The following RAB32 variants were observed in gnomAD, a reference collection of about 807,000 sequenced individuals.
The protein encoded by RAB32 is ras-related protein Rab-32.
A neutral mutation model predicts 17.5 loss-of-function variants in RAB32; 17 were observed. The ratio of observed to expected loss-of-function variants is 0.97; its 90% CI spans 0.67 to 1.46. The LOEUF (loss-of-function observed/expected upper bound fraction) is 1.46, where lower values mean the gene tolerates loss of function less well. Among genes scored for constraint, RAB32 ranks in the 40% most tolerant of loss-of-function variants. The probability of loss-of-function intolerance (pLI) is 0.00; values close to 1 mark genes in which losing one functional copy is unlikely to be tolerated. For missense variants in RAB32, 288 were observed against 284.3 expected, an observed-to-expected ratio of 1.01 and a Z score of -0.09; for synonymous variants, 115 against 111.1, an observed-to-expected ratio of 1.04 and a Z score of -0.22.
chr6:146,545,013 CT>C (rs748822360), intron 1 of RAB32, among the ~76,000 whole-genome samples: 6 of 152,100 alleles, frequency 3.9e-5, no homozygotes, highest in Non-Finnish European at 8.8e-5. Context: ...AAGGCCTAGA[CT>C]GGAGGATCGC....
intron 1 of RAB32, among the ~76,000 whole-genome samples, chr6:146,548,688 C>T (rs1036514179): frequency 1.3e-5 from 2 of 152,182 alleles, no homozygotes; most frequent in Admixed American, 6.5e-5. Flanking sequence ...CCTGTTGTTA[C>T]ATCTGTCAGA....
At chr6:146,547,969 G>C (rs1412313052) in intron 1 of RAB32, among the ~76,000 whole-genome samples, 1 of 152,106 alleles carries the variant, frequency 6.6e-6, no homozygotes, top group Non-Finnish European at 1.5e-5. Flanking sequence ...TATAAAAATG[G>C]AAGTGGTTGG....
chr6:146,545,041 G>C (rs1562729674), intron 1 of RAB32, among the ~76,000 whole-genome samples: 3 of 152,062 alleles, frequency 2.0e-5, no homozygotes, highest in South Asian at 2.1e-4. Flanking sequence ...ACAGGAGTTC[G>C]AGACCAGCCT....
At chr6:146,551,133 G>GA (rs1324474550) in intron 2 of RAB32, among the ~76,000 whole-genome samples, 1 of 151,670 alleles carries the variant, frequency 6.6e-6, no homozygotes, top group Non-Finnish European at 1.5e-5. Context: ...GAGTCACTGG[G>GA]AAAAAAAAGA....
chr6:146,544,148 C>G, intron 1 of RAB32, 27 bp downstream of exon 1: 2 of 1,586,488 alleles, frequency 1.3e-6, no homozygotes, highest in Admixed American at 1.8e-5. Context: ...GTTTCCCACT[C>G]CAGAGCCCCG....
intron 1 of RAB32, among the ~76,000 whole-genome samples, chr6:146,547,503 T>C (rs2114782890): frequency 6.6e-6 from 1 of 152,202 alleles, no homozygotes; most frequent in South Asian, 2.1e-4. Flanking sequence ...ATAAAATGTG[T>C]GCTTGGAAGA....
chr6:146,545,291 C>T lies in RAB32; in HGVS notation c.250+1170C>T, dbSNP rs888410254. ...ATCTCAGAAAAAAAAAAAAAAAGTA[C>T]GAAAATTACTCTGTTCAATCATTAC... is the stretch of plus-strand genomic sequence containing the variant. On this transcript the variant is annotated intron_variant, in intron 1 of 2. Transcript: ENST00000367495. 9.3e-5 allele frequency among the ~76,000 whole-genome samples: 14 copies of T among 150,706 alleles called. No individual in the cohort carries two copies. In the South Asian group the frequency reaches 1.3e-3, roughly 14 times the overall value.
At chr6:146,544,207 G>C in intron 1 of RAB32, 86 bp downstream of exon 1, 1 of 1,455,196 alleles carries the variant, frequency 6.9e-7, no homozygotes, top group Non-Finnish European at 9.2e-7. Context: ...TTTTCTGCCT[G>C]AACTCGTCTG....
chr6:146,548,588 T>C (rs544468787), intron 1 of RAB32, among the ~76,000 whole-genome samples: 1 of 152,292 alleles, frequency 6.6e-6, no homozygotes, highest in Non-Finnish European at 1.5e-5. Context: ...AGCATCCCAC[T>C]TCTATAGGTG....
intron 1 of RAB32, among the ~76,000 whole-genome samples, chr6:146,546,179 C>G (rs1779816541): frequency 6.6e-6 from 1 of 152,018 alleles, no homozygotes; most frequent in Non-Finnish European, 1.5e-5. Flanking sequence ...TTGTACTTTT[C>G]ACTAAATCCA....
In RAB32 at chr6:146,552,071, C is replaced by T. The variant is rs548597371; in HGVS notation, c.528+2330C>T. Among the ~76,000 whole-genome samples, 10 of 152,226 alleles carry T rather than the reference C, an allele frequency of 6.6e-5. No individual in the cohort carries two copies. The South Asian group carries it at 1.2e-3, about 19-fold the overall frequency. ...GACTTTTGCTTGAATTGCAGTCATCCGAATTTCACTAGGAACATAGGCAAA... is the reference window on the plus strand; with the variant it reads ...GACTTTTGCTTGAATTGCAGTCATCTGAATTTCACTAGGAACATAGGCAAA... On this transcript the variant is annotated intron_variant, in intron 2 of 2. Coordinates refer to ENST00000367495, the MANE Select transcript of RAB32 (RefSeq NM_006834.5).
chr6:146,546,374 T>C (rs918834338), intron 1 of RAB32, among the ~76,000 whole-genome samples: 4 of 151,452 alleles, frequency 2.6e-5, no homozygotes, highest in South Asian at 2.1e-4. Flanking sequence ...TTTTCAGAGA[T>C]AGAATTTTAA....
intron 1 of RAB32, among the ~76,000 whole-genome samples, chr6:146,548,673 A>G (rs553022310): frequency 1.1e-4 from 16 of 152,224 alleles, no homozygotes; most frequent in Non-Finnish European, 2.1e-4. Context: ...CCAAGCATCC[A>G]TTTTCCTGTT....
At position 146,543,900 on chromosome 6, in the gene RAB32, G is replaced by GC. The variant is rs1459354906; in HGVS notation, c.31dup (p.Leu11ProfsTer97). Reference sequence around the variant, plus strand: ...GCGGGCGGAGGAGCCGGGGACCCCGGCCTGGGGGCGGCCGCCGCCCCAGCG... The same window carrying GC: ...GCGGGCGGAGGAGCCGGGGACCCCGGCCCTGGGGGCGGCCGCCGCCCCAGCG... On this transcript the variant is annotated frameshift_variant, in exon 1 of 3. Transcript: ENST00000367495. LOFTEE classifies it high-confidence loss of function. 2 of 1,575,350 alleles carry GC rather than the reference G, an allele frequency of 1.3e-6. No individual in the cohort carries two copies. Among genetic ancestry groups the GC allele is most frequent in the Non-Finnish European group, 8.6e-7 (1 of 1,163,322 alleles).
Position 146,543,875 on chromosome 6 carries a change from G to T in RAB32, c.4G>T (p.Ala2Ser), listed in dbSNP as rs748402738. ...GCGCCCGACAGCCGCAGCGCTCATGGCGGGCGGAGGAGCCGGGGACCCCGG... is the reference window on the plus strand; with the variant it reads ...GCGCCCGACAGCCGCAGCGCTCATGTCGGGCGGAGGAGCCGGGGACCCCGG... MAGGGAGDPGLG... is the reference protein window; with the variant it reads MSGGGAGDPGLG... The change falls in exon 1 of 3, where the codon GCG becomes TCG. Residue 2 changes from alanine (A) to serine (S), a missense_variant. Coordinates refer to ENST00000367495, the MANE Select transcript of RAB32 (RefSeq NM_006834.5). 6.9e-7 allele frequency: 1 copy of T among 1,456,648 alleles called. No individual in the cohort carries two copies. Among genetic ancestry groups the T allele is most frequent in the African/African-American group, 1.5e-5 (1 of 68,496 alleles). 90.2% of individuals were successfully genotyped at this position (1,456,648 alleles called of 1,614,324 possible). A position where few individuals can be genotyped will look rare whatever the true frequency, so the allele number is the denominator to read the frequency against.
chr6:146,548,507 G>A (rs555536439), intron 1 of RAB32, among the ~76,000 whole-genome samples: 26 of 152,246 alleles, frequency 1.7e-4, no homozygotes, highest in Admixed American at 1.0e-3. Context: ...TGCATTGATT[G>A]CCAATCATTT....
In RAB32 at chr6:146,549,794, C is replaced by T. The variant is rs9791300; in HGVS notation, c.528+53C>T. On this transcript the variant is annotated intron_variant, in intron 2 of 2. Coordinates refer to ENST00000367495, the MANE Select transcript of RAB32 (RefSeq NM_006834.5). ...TTGCTTTCTAGCTCATAATTCTGAG[C>T]TGTAAATGTAAAGTATTTAGATATA... The T allele has an allele frequency of 9.2e-3, 14,329 of 1,550,580 alleles. 419 individuals carry two copies. In the East Asian group the frequency reaches 0.11, roughly 12 times the overall value.
At chr6:146,545,053 G>A (rs1178319578) in intron 1 of RAB32, among the ~76,000 whole-genome samples, 3 of 152,030 alleles carry the variant, frequency 2.0e-5, no homozygotes, top group East Asian at 3.9e-4. Context: ...GACCAGCCTG[G>A]GCTGTTAGTG....
Position 146,554,729 on chromosome 6 carries a change from GCGCCTGCA to G in RAB32, c.*126_*133del. The G allele has an allele frequency of 9.7e-7, 1 of 1,031,132 alleles. No homozygotes were observed. Among genetic ancestry groups the G allele is most frequent in the Middle Eastern group, 2.2e-4 (1 of 4,536 alleles). The allele number at this position is 1,031,132 out of a possible 1,614,324, so 63.9% of individuals were successfully genotyped here. A position where few individuals can be genotyped will look rare whatever the true frequency, so the allele number is the denominator to read the frequency against. ...GCACTTCAAAAGGCAGCACCACTGG[GCGCCTGCA>G]CTTATTTGAAAATGGAACTTTGGGA... On this transcript the variant is annotated 3_prime_UTR_variant, in exon 3 of 3. Transcript: ENST00000367495.
Sources: gnomAD v4.1 joint callset for allele counts (sites outside exome capture counted in the v4.1 genomes callset) on GRCh38, gnomAD v4.1.1 for gene constraint, MANE v1.5 for transcripts, NCBI Gene and HGNC (gene_info 2026-07-23, HGNC 2026-07-21) for gene names.